The following GNG7 variants were observed in gnomAD, a reference collection of about 807,000 sequenced individuals.
GNG7 encodes the protein G protein subunit gamma 7, also known as guanine nucleotide-binding protein G(I)/G(S)/G(O) subunit gamma-7.
In GNG7, 1 loss-of-function variant was observed where a neutral mutation model predicts 4.0. The observed-to-expected ratio is 0.25, with a 90% confidence interval of 0.09 to 1.18. The LOEUF (loss-of-function observed/expected upper bound fraction) is 1.18, where lower values mean the gene tolerates loss of function less well. Ranked by LOEUF, GNG7 falls within the 50% of genes most tolerant of loss-of-function variation. The pLI, the probability that GNG7 is intolerant of heterozygous loss-of-function variation, is 0.50. For missense variants in GNG7, 86 were observed against 91.9 expected (o/e 0.94, Z 0.26); for synonymous variants, 34 against 36.9 (o/e 0.92, Z 0.29).
chr19:2,647,344 C>T (rs945559173), intron 1 of GNG7, among the ~76,000 whole-genome samples: 4 of 152,084 alleles, frequency 2.6e-5, no homozygotes, highest in African/African-American at 7.2e-5. Context: ...GCGTGTCCCG[C>T]GTGACACATG....
At chr19:2,585,916 G>A (rs1024511635) in intron 2 of GNG7, among the ~76,000 whole-genome samples, 1 of 152,110 alleles carries the variant, frequency 6.6e-6, no homozygotes, top group Non-Finnish European at 1.5e-5. Context: ...TGGCCAGGAT[G>A]GTCTCACTCT....
intron 3 of GNG7, among the ~76,000 whole-genome samples, chr19:2,526,032 G>C (rs1978385303): frequency 7.0e-6 from 1 of 142,246 alleles, no homozygotes; most frequent in African/African-American, 2.6e-5. Flanking sequence ...GTGCAGTGGC[G>C]CGATCTTGGC....
In GNG7 at chr19:2,589,371, C is replaced by CTTTT. The variant is rs33940288; in HGVS notation, c.-77-34187_-77-34184dup. 2.3e-3 allele frequency among the ~76,000 whole-genome samples: 233 copies of CTTTT among 100,568 alleles called. 3 individuals are homozygous for CTTTT. Among genetic ancestry groups the CTTTT allele is most frequent in the African/African-American group, 7.4e-3 (198 of 26,782 alleles). 66.0% of individuals were successfully genotyped at this position (100,568 alleles called of 152,430 possible). On this transcript the variant is annotated intron_variant, in intron 2 of 4. Coordinates refer to ENST00000382159, the MANE Select transcript of GNG7 (RefSeq NM_052847.3). ...CCAGGTAGCTGGGACTACAGGTGCA[C>CTTTT]TTTTTTTTTTTTTTTTTTTTTTTTA...
At chr19:2,556,027 G>A (rs1979532655) in intron 2 of GNG7, among the ~76,000 whole-genome samples, 1 of 152,232 alleles carries the variant, frequency 6.6e-6, no homozygotes, top group Admixed American at 6.5e-5. Flanking sequence ...TCCAGGCAGC[G>A]ATCTGCCCCC....
chr19:2,579,092 G>A (rs1980426486), intron 2 of GNG7, among the ~76,000 whole-genome samples: 1 of 152,248 alleles, frequency 6.6e-6, no homozygotes, highest in Admixed American at 6.5e-5. Context: ...CTGGCAGCCC[G>A]CCCCGCCGGT....
chr19:2,625,677 C>T (rs1982002479), intron 2 of GNG7, among the ~76,000 whole-genome samples: 1 of 152,194 alleles, frequency 6.6e-6, no homozygotes, highest in African/African-American at 2.4e-5. Context: ...GAGGAGGAAG[C>T]TGGGTCAGAG....
intron 2 of GNG7, among the ~76,000 whole-genome samples, chr19:2,599,060 C>G (rs1263787498): frequency 6.6e-6 from 1 of 152,120 alleles, no homozygotes; most frequent in African/African-American, 2.4e-5. Flanking sequence ...GGGTGCCCCG[C>G]GCTCGGCTGG....
chr19:2,690,814 G>A (rs1287563253), intron 1 of GNG7, among the ~76,000 whole-genome samples: 3 of 152,042 alleles, frequency 2.0e-5, no homozygotes, highest in African/African-American at 4.8e-5. Flanking sequence ...GGCTGGTCTC[G>A]AACTTCTGAC....
intron 1 of GNG7, among the ~76,000 whole-genome samples, chr19:2,685,738 G>A (rs953675017): frequency 3.9e-5 from 6 of 152,154 alleles, no homozygotes; most frequent in African/African-American, 7.2e-5. Context: ...TGTGTCAAAC[G>A]TCGGATGCCC....
chr19:2,669,378 T>A (rs1041043413), intron 1 of GNG7, among the ~76,000 whole-genome samples: 1 of 152,052 alleles, frequency 6.6e-6, no homozygotes, highest in African/African-American at 2.4e-5. Context: ...TAATCCCAGC[T>A]ACTTGGGAGA....
At chr19:2,574,552 G>A (rs1459735605) in intron 2 of GNG7, among the ~76,000 whole-genome samples, 1 of 152,206 alleles carries the variant, frequency 6.6e-6, no homozygotes, top group Non-Finnish European at 1.5e-5. Context: ...TGTAGCCCGT[G>A]TCTGGATTCC....
At chr19:2,553,691 A>C (rs958942903) in intron 3 of GNG7, among the ~76,000 whole-genome samples, 1 of 132,474 alleles carries the variant, frequency 7.5e-6, no homozygotes, top group African/African-American at 2.8e-5. Context: ...TATATTACAC[A>C]CATGTGCACA....
chr19:2,554,275 C>G (rs1281513284), intron 3 of GNG7, among the ~76,000 whole-genome samples: 1 of 148,994 alleles, frequency 6.7e-6, no homozygotes, highest in Non-Finnish European at 1.5e-5. Flanking sequence ...TAGCCTCCAC[C>G]TCCTGGGCTC....
At chr19:2,571,086 G>C (rs1312523967) in intron 2 of GNG7, among the ~76,000 whole-genome samples, 1 of 152,046 alleles carries the variant, frequency 6.6e-6, no homozygotes, top group Non-Finnish European at 1.5e-5. Flanking sequence ...ATAGGCGTGA[G>C]CCACCGTGCC....
At chr19:2,637,846 C>A (rs1219958498) in intron 2 of GNG7, among the ~76,000 whole-genome samples, 2 of 152,180 alleles carry the variant, frequency 1.3e-5, no homozygotes, top group African/African-American at 4.8e-5. Context: ...CTGGTTGAGA[C>A]CCCCCGGGTT....
At chr19:2,591,749 C>T (rs748449011) in intron 2 of GNG7, among the ~76,000 whole-genome samples, 1 of 152,006 alleles carries the variant, frequency 6.6e-6, no homozygotes, top group Non-Finnish European at 1.5e-5. Flanking sequence ...ACCTACAAAT[C>T]AATAAGAAAA....
chr19:2,682,230 T>C (rs1983756831), intron 1 of GNG7, among the ~76,000 whole-genome samples: 1 of 151,890 alleles, frequency 6.6e-6, no homozygotes, highest in Non-Finnish European at 1.5e-5. Context: ...GTTTTTAACA[T>C]GAGGGGTCCT....
intron 2 of GNG7, among the ~76,000 whole-genome samples, chr19:2,573,407 G>T (rs1019972997): frequency 6.6e-6 from 1 of 152,120 alleles, no homozygotes; most frequent in Non-Finnish European, 1.5e-5. Context: ...TGGAGGAGGC[G>T]GGGCTAGTCT....
intron 2 of GNG7, chr19:2,595,363 G>A (rs556027151): frequency 6.6e-5 from 10 of 151,904 alleles, no homozygotes; most frequent in African/African-American, 2.4e-4. Flanking sequence ...CCTGACCTCA[G>A]TTGATTGATC....
Sources: gnomAD v4.1 joint callset for allele counts (sites outside exome capture counted in the v4.1 genomes callset) on GRCh38, gnomAD v4.1.1 for gene constraint, MANE v1.5 for transcripts, NCBI Gene and HGNC (gene_info 2026-07-23, HGNC 2026-07-21) for gene names.